RNLS: variants seen among roughly 807,000 people sequenced by gnomAD.
The protein encoded by RNLS is renalase.
In RNLS, 39 loss-of-function variants were observed where a neutral mutation model predicts 39.8. The ratio of observed to expected loss-of-function variants is 0.98; its 90% CI spans 0.76 to 1.28. The LOEUF is 1.28. RNLS is among the 50% of genes most tolerant of loss of function. RNLS has a pLI of 0.00. For missense variants in RNLS, 410 were observed against 413.3 expected, an observed-to-expected ratio of 0.99 and a Z score of 0.07; for synonymous variants, 147 against 150.7, an observed-to-expected ratio of 0.98 and a Z score of 0.18.
intron 4 of RNLS, among the ~76,000 whole-genome samples, chr10:88,466,886 G>C (rs921180911): frequency 1.3e-5 from 2 of 152,084 alleles, no homozygotes; most frequent in African/African-American, 4.8e-5. Flanking sequence ...CATTTCACTT[G>C]CTCAATGAAA....
At chr10:88,215,691 A>ATTT in the RNLS span, among the ~76,000 whole-genome samples, 5,599 of 95,204 alleles carry the variant, frequency 0.059, 262 homozygotes, top group Non-Finnish European at 0.071. Flanking sequence ...ACCATCTGTA[A>ATTT]TTTTTTTTTT....
intron 6 of RNLS, among the ~76,000 whole-genome samples, chr10:88,290,602 A>G (rs946305735): frequency 2.0e-5 from 3 of 152,220 alleles, no homozygotes; most frequent in African/African-American, 7.2e-5. Flanking sequence ...CTTAATAGAA[A>G]AGTTCTTTCA....
intron 4 of RNLS, among the ~76,000 whole-genome samples, chr10:88,448,434 T>A (rs964142416): frequency 3.3e-5 from 5 of 151,884 alleles, no homozygotes; most frequent in Admixed American, 1.3e-4. Context: ...GAAATGCAAA[T>A]CAAAACCACA....
intron 6 of RNLS, among the ~76,000 whole-genome samples, chr10:88,301,623 C>A (rs985142087): frequency 2.6e-5 from 4 of 152,190 alleles, no homozygotes; most frequent in African/African-American, 9.7e-5. Context: ...TGGTAAGAAG[C>A]TGGAAAATCT....
rs1014737367 is a variant in RNLS, at chr10:88,303,972, A to G, written c.876+10494T>C. On this transcript the variant is annotated intron_variant, in intron 6 of 6. Coordinates refer to ENST00000331772, the MANE Select transcript of RNLS (RefSeq NM_001031709.3). ...GCTAATACTCTGCTGCAGCAGCCAT[A>G]CCTTGGTCCCACCATCACAGTGGGC... Among the ~76,000 whole-genome samples, 3 of 152,130 alleles carry G rather than the reference A, an allele frequency of 2.0e-5. No homozygotes were observed. The East Asian group carries it at 5.8e-4, about 29-fold the overall frequency.
chr10:88,276,726 T>C (rs1162229601), intron 6 of RNLS, among the ~76,000 whole-genome samples: 1 of 152,222 alleles, frequency 6.6e-6, no homozygotes, highest in Non-Finnish European at 1.5e-5. Context: ...ACTACCTTCT[T>C]GCTCAAACTT....
At chr10:88,181,813 C>A in the RNLS span, among the ~76,000 whole-genome samples, 1 of 152,110 alleles carries the variant, frequency 6.6e-6, no homozygotes, top group Non-Finnish European at 1.5e-5. Flanking sequence ...ATAGTGTTTA[C>A]AGTATAACTC....
chr10:88,188,185 T>C, the RNLS span, among the ~76,000 whole-genome samples: 1 of 152,170 alleles, frequency 6.6e-6, no homozygotes, highest in African/African-American at 2.4e-5. Flanking sequence ...GCCTCCTGCA[T>C]AGCTAGGACT....
At chr10:88,444,407 A>G (rs1001684408) in intron 4 of RNLS, among the ~76,000 whole-genome samples, 2 of 152,246 alleles carry the variant, frequency 1.3e-5, no homozygotes, top group African/African-American at 4.8e-5. Context: ...TCTAAAAATC[A>G]GAGCACCTCT....
At chr10:88,375,420 C>T (rs1850907146) in intron 4 of RNLS, among the ~76,000 whole-genome samples, 1 of 152,104 alleles carries the variant, frequency 6.6e-6, no homozygotes, top group African/African-American at 2.4e-5. Context: ...TAACCAATGT[C>T]CAATATAAAT....
At chr10:88,268,868 T>C (rs1842573755), downstream of RNLS, among the ~76,000 whole-genome samples, 1 of 152,246 alleles carries the variant, frequency 6.6e-6, no homozygotes, top group Non-Finnish European at 1.5e-5. Flanking sequence ...CTGAACCAGT[T>C]GGTGTGGCCA....
chr10:88,360,811 C>G (rs1849583453), intron 5 of RNLS, among the ~76,000 whole-genome samples: 1 of 152,206 alleles, frequency 6.6e-6, no homozygotes, highest in Non-Finnish European at 1.5e-5. Context: ...TGCCAGTCCT[C>G]TGAGGATGTC....
At chr10:88,409,709 A>G (rs572719208) in intron 4 of RNLS, among the ~76,000 whole-genome samples, 1 of 152,270 alleles carries the variant, frequency 6.6e-6, no homozygotes, top group South Asian at 2.1e-4. Flanking sequence ...ACTTCTGTCC[A>G]TTAGTTGTTG....
At chr10:88,290,230 A>C (rs961227208) in intron 6 of RNLS, among the ~76,000 whole-genome samples, 29 of 152,180 alleles carry the variant, frequency 1.9e-4, no homozygotes, top group African/African-American at 7.0e-4. Flanking sequence ...ACATTTCCCC[A>C]TAGAGAACAG....
chr10:88,579,723 A>G (rs1206607000), intron 3 of RNLS, among the ~76,000 whole-genome samples: 3 of 152,204 alleles, frequency 2.0e-5, no homozygotes, highest in Non-Finnish European at 2.9e-5. Flanking sequence ...AACATTCTAC[A>G]AAACGTCCAA....
intron 5 of RNLS, among the ~76,000 whole-genome samples, chr10:88,330,070 G>GATATATATAT (rs59527333): frequency 2.1e-5 from 3 of 140,546 alleles, no homozygotes; most frequent in African/African-American, 7.9e-5. Context: ...TCTGTTTTGA[G>GATATATATAT]ATATATATAT....
rs557339870 is a variant in RNLS at position 88,488,376 on chromosome 10, G to A, written c.526+84527C>T. 4.7e-4 allele frequency among the ~76,000 whole-genome samples: 71 copies of A among 151,784 alleles called. 1 individual carries two copies. In the South Asian group the frequency reaches 6.3e-3, roughly 13 times the overall value. ...AGCCTGACCAACATGGAGAAACTCC[G>A]TCTCTACTAAAAATACAAAATTAGC... On this transcript the variant is annotated intron_variant, in intron 4 of 6. Transcript: ENST00000331772.
Position 88,401,367 on chromosome 10 carries a change from T to C in RNLS, c.527-38642A>G, listed in dbSNP as rs17111919. On this transcript the variant is annotated intron_variant, in intron 4 of 6. Coordinates refer to ENST00000331772, the MANE Select transcript of RNLS (RefSeq NM_001031709.3). ...AATTCGGTCCTAGAAAACATTGGAC[T>C]AGTTGAACAGAACTCAGTTACTCTT... Among the ~76,000 whole-genome samples, 264 of 152,224 alleles carry C rather than the reference T, an allele frequency of 1.7e-3. 9 individuals are homozygous for C. In the East Asian group the frequency reaches 0.042, roughly 24 times the overall value.
chr10:88,384,428 G>A (rs1182770687), intron 4 of RNLS, among the ~76,000 whole-genome samples: 2 of 152,194 alleles, frequency 1.3e-5, no homozygotes, highest in Non-Finnish European at 2.9e-5. Flanking sequence ...GGCTCAGAGA[G>A]GCTAAGTAAT....
Sources: allele counts gnomAD v4.1 joint callset (sites outside exome capture counted in the v4.1 genomes callset), GRCh38; gene constraint gnomAD v4.1.1; transcripts MANE v1.5; gene names NCBI Gene and HGNC (gene_info 2026-07-23, HGNC 2026-07-21).